The following THADA variants were observed in gnomAD, a reference collection of about 807,000 sequenced individuals.
THADA encodes the protein THADA armadillo repeat containing.
Under a neutral mutation model 219.8 loss-of-function variants are expected in THADA, and 213 were observed. The observed-to-expected ratio is 0.97, with a 90% CI of 0.87 to 1.09. The LOEUF (loss-of-function observed/expected upper bound fraction) is 1.09, where lower values mean the gene tolerates loss of function less well. Ranked by LOEUF, THADA falls within the 50% of genes least tolerant of loss-of-function variation. The pLI is 0.00. For synonymous variants in THADA, 1,018 were observed against 828.9 expected, an observed-to-expected ratio of 1.23 and a Z score of -3.92; for missense variants, 2,956 against 2,311.3, an observed-to-expected ratio of 1.28 and a Z score of -5.72.
intron 26 of THADA, among the ~76,000 whole-genome samples, chr2:43,461,074 A>G (rs1041066672): frequency 5.3e-5 from 8 of 152,198 alleles, no homozygotes; most frequent in African/African-American, 1.9e-4. Flanking sequence ...CCTCTCGTAG[A>G]AAGTAGGCTG....
At position 43,527,915 on chromosome 2, in the gene THADA, T is replaced by G; in HGVS notation, c.3338A>C (p.Tyr1113Ser). 1 of 1,613,738 alleles carries G rather than the reference T, an allele frequency of 6.2e-7. No individual in the cohort carries two copies. Among genetic ancestry groups the G allele is most frequent in the South Asian group, 1.1e-5 (1 of 91,078 alleles). The change falls in exon 22 of 38, where the codon TAT (tyrosine) becomes TCT (serine). Residue 1113 changes from tyrosine (Y) to serine (S), a missense_variant. Physicochemically the swap from Tyr to Ser is moderately radical, Grantham distance 144 (BLOSUM62 -2). Coordinates refer to ENST00000405975, the MANE Select transcript of THADA (RefSeq NM_022065.5). ...TTCAGTGAGTTTCACAAAACCAGTA[T>G]AAGCCAATTCAAATGCTCCTCTGTG... is the stretch of plus-strand genomic sequence containing the variant. ...SRHRGAFELA[Y>S]TGFVKLTEVL...
chr2:43,268,335 C>T lies in THADA; in HGVS notation c.5296+11430G>A, dbSNP rs551128923. ...ACTGGGGCTGTGTACTCTTTACAAA[C>T]AGACACTCTGAAAGGTGCACAGATT... On this transcript the variant is annotated intron_variant, in intron 36 of 37. Transcript: ENST00000405975. Among the ~76,000 whole-genome samples, 8 of 152,260 alleles carry T rather than the reference C, an allele frequency of 5.3e-5. No homozygotes were observed. In the South Asian group the frequency reaches 1.7e-3, roughly 32 times the overall value.
chr2:43,270,453 C>T (rs1671995258), intron 36 of THADA, among the ~76,000 whole-genome samples: 1 of 152,184 alleles, frequency 6.6e-6, no homozygotes, highest in Admixed American at 6.5e-5. Context: ...CACTCTGACT[C>T]CAGTGTCTTC....
intron 30 of THADA, among the ~76,000 whole-genome samples, chr2:43,339,786 A>G (rs1666873672): frequency 6.6e-6 from 1 of 152,180 alleles, no homozygotes; most frequent in African/African-American, 2.4e-5. Flanking sequence ...GGGACAGCTG[A>G]GCTGGAATCT....
intron 36 of THADA, among the ~76,000 whole-genome samples, chr2:43,256,631 G>A (rs944123314): frequency 2.0e-5 from 3 of 149,954 alleles, no homozygotes; most frequent in Admixed American, 6.6e-5. Flanking sequence ...TTTTGGTAGA[G>A]ACAGAGTATG....
chr2:43,322,144 C>T (rs574294903), intron 30 of THADA, among the ~76,000 whole-genome samples: 42 of 151,932 alleles, frequency 2.8e-4, no homozygotes, highest in South Asian at 6.3e-4. Context: ...CGTGATTATC[C>T]TGCCTCAGCC....
chr2:43,255,350 G>C (rs1670198825), intron 36 of THADA, among the ~76,000 whole-genome samples: 1 of 152,198 alleles, frequency 6.6e-6, no homozygotes, highest in East Asian at 1.9e-4. Flanking sequence ...AAGTGGTTTT[G>C]CTTTCTGGCA....
chr2:43,289,132 G>A (rs1018591288), intron 34 of THADA, among the ~76,000 whole-genome samples: 1 of 152,192 alleles, frequency 6.6e-6, no homozygotes, highest in African/African-American at 2.4e-5. Context: ...CCATGCCGTA[G>A]GATGTATCTG....
intron 24 of THADA, among the ~76,000 whole-genome samples, chr2:43,504,866 A>G (rs1689463069): frequency 1.3e-5 from 2 of 152,234 alleles, no homozygotes; most frequent in Admixed American, 6.5e-5. Context: ...CATGAGCAAC[A>G]GAGTGAGACT....
chr2:43,400,228 A>C (rs1229216753), intron 28 of THADA, among the ~76,000 whole-genome samples: 1 of 152,074 alleles, frequency 6.6e-6, no homozygotes, highest in Non-Finnish European at 1.5e-5. Context: ...GGAAAGGGGG[A>C]AAAGTGCCAG....
intron 15 of THADA, chr2:43,563,309 A>T (rs34154601): frequency 2.0e-5 from 3 of 151,986 alleles, no homozygotes; most frequent in Non-Finnish European, 2.9e-5. Context: ...TTTATCCATC[A>T]GTTGTTTAAG....
intron 26 of THADA, among the ~76,000 whole-genome samples, chr2:43,442,957 G>C (rs987704068): frequency 6.6e-6 from 1 of 152,092 alleles, no homozygotes; most frequent in Non-Finnish European, 1.5e-5. Flanking sequence ...TCAACTTTGG[G>C]CTTAGGCAGA....
chr2:43,312,985 G>A (rs193151697), intron 31 of THADA, among the ~76,000 whole-genome samples: 2 of 152,138 alleles, frequency 1.3e-5, no homozygotes, highest in Non-Finnish European at 2.9e-5. Flanking sequence ...ATCAAAGCAG[G>A]TGTTTGTAAG....
chr2:43,294,223 C>T (rs1313691051), intron 31 of THADA, among the ~76,000 whole-genome samples: 1 of 152,024 alleles, frequency 6.6e-6, no homozygotes, highest in African/African-American at 2.4e-5. Flanking sequence ...ATAAAAAAAC[C>T]AAAAACTTAT....
intron 29 of THADA, among the ~76,000 whole-genome samples, chr2:43,378,955 T>C (rs1049877184): frequency 1.3e-5 from 2 of 151,918 alleles, no homozygotes; most frequent in Non-Finnish European, 2.9e-5. Context: ...CTGGACAACC[T>C]CAACTGGAGG....
chr2:43,309,831 T>C (rs1677283865), intron 31 of THADA, among the ~76,000 whole-genome samples: 1 of 152,142 alleles, frequency 6.6e-6, no homozygotes, highest in Non-Finnish European at 1.5e-5. Flanking sequence ...GAGTCCACAA[T>C]AGAACCTATT....
intron 28 of THADA, among the ~76,000 whole-genome samples, chr2:43,401,481 T>C (rs1408657747): frequency 6.6e-6 from 1 of 152,130 alleles, no homozygotes; most frequent in Admixed American, 6.5e-5. Context: ...CCTTTCACCG[T>C]GTTAGCCAGG....
At chr2:43,397,258 C>T (rs1419469165) in intron 29 of THADA, among the ~76,000 whole-genome samples, 1 of 152,094 alleles carries the variant, frequency 6.6e-6, no homozygotes, top group Non-Finnish European at 1.5e-5. Flanking sequence ...GGAACATGAC[C>T]TGACATTTAT....
chr2:43,430,752 C>A, intron 26 of THADA: 1 of 398,038 alleles, frequency 2.5e-6, no homozygotes, highest in Admixed American at 2.7e-5. Flanking sequence ...AGGGGACTGT[C>A]CTACACATTG....
Sources: allele counts gnomAD v4.1 joint callset (sites outside exome capture counted in the v4.1 genomes callset), GRCh38; gene constraint gnomAD v4.1.1; transcripts MANE v1.5; gene names NCBI Gene and HGNC (gene_info 2026-07-23, HGNC 2026-07-21).